CADPS2: variants seen among roughly 807,000 people sequenced by gnomAD.
CADPS2 encodes the protein calcium dependent secretion activator 2.
CADPS2 carries 93 observed loss-of-function variants against 172.5 expected under a neutral mutation model. The observed-to-expected ratio is 0.54, with a 90% CI of 0.46 to 0.64. The LOEUF (loss-of-function observed/expected upper bound fraction) is 0.64, where lower values mean the gene tolerates loss of function less well. Among genes scored for constraint, CADPS2 ranks in the 30% least tolerant of loss-of-function variants. The probability of loss-of-function intolerance (pLI) is 0.00; values close to 1 mark genes in which losing one functional copy is unlikely to be tolerated. For synonymous variants in CADPS2, 546 were observed against 555.2 expected (o/e 0.98, Z 0.23); for missense variants, 1,420 against 1,565.9 (o/e 0.91, Z 1.57).
rs2152200999 is a variant in CADPS2, at chr7:122,474,517, T to C, written c.1862A>G (p.Asp621Gly). ...ACCATGTTTCTGAAAACGATCTGCA[T>C]CTGTAAATTCAGGAAAGCATGTACA... ...LHADAQLSGK[D>G]ADRFQKHGMD... The change falls in exon 13 of 30, where the codon GAT becomes GGT. Residue 621 changes from aspartate (D) to glycine (G), a missense_variant and splice_region_variant. Asp to Gly is a moderately conservative substitution (Grantham distance 94, BLOSUM62 -1). Transcript: ENST00000449022. 1.2e-6 allele frequency: 2 copies of C among 1,612,134 alleles called. No individual in the cohort carries two copies. Among genetic ancestry groups the C allele is most frequent in the Middle Eastern group, 1.7e-4 (1 of 6,054 alleles).
At chr7:122,387,635 AACAG>A (rs1385167607) in intron 23 of CADPS2, among the ~76,000 whole-genome samples, 5 of 152,118 alleles carry the variant, frequency 3.3e-5, no homozygotes, top group Non-Finnish European at 5.9e-5. Flanking sequence ...ATCAATGTAC[AACAG>A]ACAATGTGTA....
At chr7:122,845,486 G>C (rs1322806770) in intron 1 of CADPS2, among the ~76,000 whole-genome samples, 1 of 152,138 alleles carries the variant, frequency 6.6e-6, no homozygotes, top group Non-Finnish European at 1.5e-5. Context: ...ATCCACACAA[G>C]AGAGTTAATT....
chr7:122,544,442 C>G (rs574173356), intron 8 of CADPS2, among the ~76,000 whole-genome samples: 1 of 152,060 alleles, frequency 6.6e-6, no homozygotes, highest in Admixed American at 6.6e-5. Flanking sequence ...AAAACGACAA[C>G]GATTTATTAT....
At chr7:122,856,729 A>G (rs537388693) in intron 1 of CADPS2, among the ~76,000 whole-genome samples, 5 of 152,380 alleles carry the variant, frequency 3.3e-5, no homozygotes, top group Admixed American at 3.3e-4. Context: ...TTCATGAAAT[A>G]TATAAAGACA....
intron 25 of CADPS2, 84 bp from the exon 26 acceptor site, chr7:122,361,097 T>C (rs773135350): frequency 2.7e-5 from 31 of 1,137,712 alleles, no homozygotes; most frequent in African/African-American, 6.2e-5. Flanking sequence ...AATCAATTTC[T>C]TCCATCGCAC....
intron 2 of CADPS2, among the ~76,000 whole-genome samples, chr7:122,705,580 AT>A (rs2086910477): frequency 9.1e-6 from 1 of 110,108 alleles, no homozygotes; most frequent in Admixed American, 1.2e-4. Context: ...TCTATATTAT[AT>A]ATTATATAAT....
intron 25 of CADPS2, among the ~76,000 whole-genome samples, chr7:122,369,353 G>A (rs1021106897): frequency 6.6e-6 from 1 of 151,752 alleles, no homozygotes; most frequent in Non-Finnish European, 1.5e-5. Flanking sequence ...GGATGGTCTC[G>A]ATCTCCTGAC....
intron 6 of CADPS2, among the ~76,000 whole-genome samples, chr7:122,589,270 A>G (rs2070332948): frequency 6.6e-6 from 1 of 151,950 alleles, no homozygotes; most frequent in Non-Finnish European, 1.5e-5. Flanking sequence ...TAATGTAACA[A>G]CCTCTGAAAA....
intron 25 of CADPS2, among the ~76,000 whole-genome samples, chr7:122,362,061 C>G (rs10281834): frequency 0.036 from 5,472 of 152,016 alleles, 310 homozygotes; most frequent in African/African-American, 0.13. Context: ...GAGCAAAACT[C>G]TGCCTTAAAA....
intron 1 of CADPS2, among the ~76,000 whole-genome samples, chr7:122,797,812 C>T (rs1371246300): frequency 3.3e-5 from 5 of 152,064 alleles, no homozygotes; most frequent in Non-Finnish European, 7.4e-5. Context: ...AACAAACCTC[C>T]ATGACACAAT....
intron 9 of CADPS2, 69 bp downstream of exon 9, chr7:122,513,180 T>A (rs190532264): frequency 9.8e-7 from 1 of 1,022,544 alleles, no homozygotes; most frequent in Non-Finnish European, 1.5e-6. Flanking sequence ...TTGATAGATA[T>A]AACCCACATA....
intron 9 of CADPS2, among the ~76,000 whole-genome samples, chr7:122,512,335 T>A (rs2060063604): frequency 2.6e-5 from 4 of 152,140 alleles, no homozygotes; most frequent in Admixed American, 1.3e-4. Context: ...GCCATTGGAA[T>A]CAATGAGATT....
intron 1 of CADPS2, among the ~76,000 whole-genome samples, chr7:122,805,586 G>T (rs1012595480): frequency 6.6e-6 from 1 of 152,192 alleles, no homozygotes; most frequent in Non-Finnish European, 1.5e-5. Context: ...TACAGCCTAA[G>T]TTGTGGTCCT....
chr7:122,659,249 A>G (rs1324128567), intron 3 of CADPS2, among the ~76,000 whole-genome samples: 6 of 151,204 alleles, frequency 4.0e-5, no homozygotes, highest in Non-Finnish European at 7.4e-5. Context: ...ACATGCAAAA[A>G]CAATGCATAA....
chr7:122,445,328 G>A (rs1291790659), intron 15 of CADPS2, among the ~76,000 whole-genome samples: 1 of 152,032 alleles, frequency 6.6e-6, no homozygotes, highest in African/African-American at 2.4e-5. Flanking sequence ...TCTGGCCCAT[G>A]AGTACAGTAT....
intron 28 of CADPS2, among the ~76,000 whole-genome samples, chr7:122,334,010 A>G (rs530095087): frequency 1.1e-4 from 16 of 152,114 alleles, no homozygotes; most frequent in Non-Finnish European, 2.4e-4. Context: ...TAACAGAAAA[A>G]TAATTAAATA....
chr7:122,790,008 T>C (rs971670353), intron 1 of CADPS2, among the ~76,000 whole-genome samples: 2 of 142,138 alleles, frequency 1.4e-5, no homozygotes, highest in African/African-American at 2.6e-5. Flanking sequence ...CACATAAGAA[T>C]AGGCAAACAA....
chr7:122,799,063 C>T (rs1439474427), intron 1 of CADPS2, among the ~76,000 whole-genome samples: 1 of 151,690 alleles, frequency 6.6e-6, no homozygotes, highest in Non-Finnish European at 1.5e-5. Context: ...CATACAGTCA[C>T]AAGATAAATA....
At chr7:122,635,342 C>T (rs765640609) in intron 3 of CADPS2, among the ~76,000 whole-genome samples, 4 of 151,448 alleles carry the variant, frequency 2.6e-5, no homozygotes, top group Non-Finnish European at 5.9e-5. Context: ...AGGTTAGTTA[C>T]TATGTATACA....
Sources: gnomAD v4.1 joint callset for allele counts (sites outside exome capture counted in the v4.1 genomes callset) on GRCh38, gnomAD v4.1.1 for gene constraint, MANE v1.5 for transcripts, NCBI Gene and HGNC (gene_info 2026-07-23, HGNC 2026-07-21) for gene names.